SH3YL1: variants seen among roughly 807,000 people sequenced by gnomAD.
SH3YL1 encodes the protein SH3 and SYLF domain containing 1, also known as SH3 domain-containing YSC84-like protein 1.
In SH3YL1, 41 loss-of-function variants were observed where a neutral mutation model predicts 45.8. The observed-to-expected ratio is 0.89, with a 90% CI of 0.70 to 1.16. SH3YL1 has a LOEUF of 1.16. Ranked by LOEUF, SH3YL1 falls within the 50% of genes most tolerant of loss-of-function variation. SH3YL1 has a pLI of 0.00. For missense variants in SH3YL1, 389 were observed against 409.6 expected (o/e 0.95, Z 0.43); for synonymous variants, 152 against 151.4 (o/e 1.00, Z -0.03).
At chr2:258,173 T>C (rs898286141) in intron 1 of SH3YL1, among the ~76,000 whole-genome samples, 3 of 152,208 alleles carry the variant, frequency 2.0e-5, no homozygotes, top group Admixed American at 6.5e-5. Context: ...AATAGTTTTG[T>C]TTTCTAATTC....
intron 7 of SH3YL1, 133 bp from the exon 8 acceptor site, chr2:230,177 C>A (rs1667973980): frequency 3.3e-6 from 2 of 608,042 alleles, no homozygotes; most frequent in Non-Finnish European, 5.9e-6. Flanking sequence ...ACTCTCAAAG[C>A]TCACATGCAC....
chr2:258,632 G>A (rs151066181), intron 1 of SH3YL1, among the ~76,000 whole-genome samples: 2 of 152,154 alleles, frequency 1.3e-5, no homozygotes, highest in South Asian at 4.1e-4. Flanking sequence ...TTGATCACTT[G>A]TTGGCTTGTT....
chr2:226,253 G>C (rs1032706768), intron 8 of SH3YL1, among the ~76,000 whole-genome samples: 1 of 152,014 alleles, frequency 6.6e-6, no homozygotes, highest in Non-Finnish European at 1.5e-5. Context: ...TGAAAAACAA[G>C]ATCAAAAGAA....
At chr2:246,991 C>T (rs1287383058) in intron 4 of SH3YL1, among the ~76,000 whole-genome samples, 4 of 152,154 alleles carry the variant, frequency 2.6e-5, no homozygotes, top group Admixed American at 2.6e-4. Flanking sequence ...TGAAGATGAG[C>T]ATCAGCCCTA....
chr2:227,182 C>A (rs898693124), intron 8 of SH3YL1, among the ~76,000 whole-genome samples: 1 of 151,998 alleles, frequency 6.6e-6, no homozygotes, highest in Non-Finnish European at 1.5e-5. Flanking sequence ...GTGGGGAATG[C>A]ATGTGCTGGT....
chr2:218,904 A>T lies in SH3YL1; in HGVS notation c.936T>A (p.Val312=), dbSNP rs1243669158. The change falls in exon 10 of 10, where the codon GTT becomes GTA. Residue 312 remains valine (V), a synonymous_variant. Transcript: ENST00000356150. ...CAAAATGTGAATCTGTTTTTGATAT[A>T]ACTGTGATTCTGTCTCCAGCTTGAA... The part of the protein sequence containing the change: ...LNFQAGDRIT[V]ISKTDSHFDW... The T allele has an allele frequency of 6.2e-7, 1 of 1,614,124 alleles. No homozygotes were observed. The highest frequency in any genetic ancestry group is 1.7e-5 in the Admixed American group (1 of 60,018).
At chr2:255,585 A>G (rs1452678831) in intron 1 of SH3YL1, among the ~76,000 whole-genome samples, 1 of 152,234 alleles carries the variant, frequency 6.6e-6, no homozygotes, top group African/African-American at 2.4e-5. Flanking sequence ...CAACAGGGCA[A>G]AGCCCTGCCT....
At chr2:236,642 C>T (rs901594391) in intron 4 of SH3YL1, among the ~76,000 whole-genome samples, 2 of 152,132 alleles carry the variant, frequency 1.3e-5, no homozygotes, top group African/African-American at 2.4e-5. Context: ...AGGCTGTTTA[C>T]GGATGAATTG....
intron 3 of SH3YL1, among the ~76,000 whole-genome samples, chr2:249,386 C>T (rs1308125248): frequency 6.6e-6 from 1 of 152,176 alleles, no homozygotes; most frequent in Non-Finnish European, 1.5e-5. Flanking sequence ...AAAGCAGCTA[C>T]ACCATGAAGT....
chr2:229,024 C>T (rs1179337499), intron 8 of SH3YL1, among the ~76,000 whole-genome samples: 1 of 152,148 alleles, frequency 6.6e-6, no homozygotes, highest in Admixed American at 6.5e-5. Context: ...AAGGCAAGAT[C>T]TACGTTAAAG....
At chr2:220,597 T>C (rs1312955681) in intron 9 of SH3YL1, among the ~76,000 whole-genome samples, 2 of 152,246 alleles carry the variant, frequency 1.3e-5, no homozygotes, top group Non-Finnish European at 2.9e-5. Flanking sequence ...GTCGCTGCCA[T>C]GCACTGTGAA....
upstream of SH3YL1, chr2:264,447 C>T: frequency 5.5e-6 from 1 of 183,096 alleles, no homozygotes; most frequent in Non-Finnish European, 1.1e-5. Context: ...GCCCGCGGAG[C>T]CGCGAGGCCT....
At chr2:250,691 C>A (rs1240192806) in intron 2 of SH3YL1, among the ~76,000 whole-genome samples, 1 of 152,114 alleles carries the variant, frequency 6.6e-6, no homozygotes, top group Non-Finnish European at 1.5e-5. Context: ...CTCTAGTACA[C>A]AGAGCAAAAG....
chr2:239,955 G>C (rs1484992913), intron 4 of SH3YL1: 1 of 152,252 alleles, frequency 6.6e-6, no homozygotes. Context: ...GCTCCTCTTG[G>C]GGAAGGGGGT....
At chr2:227,062 T>C (rs943176828) in intron 8 of SH3YL1, among the ~76,000 whole-genome samples, 5 of 151,666 alleles carry the variant, frequency 3.3e-5, no homozygotes, top group South Asian at 2.1e-4. Flanking sequence ...GAAATGCCTA[T>C]GGCGGGAAGC....
At chr2:259,897 G>T (rs1451021995) in intron 1 of SH3YL1, 1 of 151,592 alleles carries the variant, frequency 6.6e-6, no homozygotes, top group Non-Finnish European at 1.5e-5. Flanking sequence ...AAAGAACCAG[G>T]AATTATAGAA....
intron 8 of SH3YL1, among the ~76,000 whole-genome samples, chr2:229,525 C>A (rs992015423): frequency 1.3e-5 from 2 of 151,712 alleles, no homozygotes; most frequent in African/African-American, 4.8e-5. Flanking sequence ...GTCAGGAGAT[C>A]GAGACCATCC....
chr2:240,903 T>C (rs1369841742), intron 4 of SH3YL1: 1 of 151,986 alleles, frequency 6.6e-6, no homozygotes, highest in Non-Finnish European at 1.5e-5. Context: ...AAGCAAACAA[T>C]AAGAGGCTCC....
chr2:219,372 G>C (rs1278240973), intron 9 of SH3YL1, among the ~76,000 whole-genome samples: 1 of 152,116 alleles, frequency 6.6e-6, no homozygotes, highest in East Asian at 1.9e-4. Context: ...TGGGGTCTCT[G>C]GGGGCTGATT....
Sources: allele counts gnomAD v4.1 joint callset (sites outside exome capture counted in the v4.1 genomes callset), GRCh38; gene constraint gnomAD v4.1.1; transcripts MANE v1.5; gene names NCBI Gene and HGNC (gene_info 2026-07-23, HGNC 2026-07-21).